Variants in DLG2 observed in about 807,000 individuals in gnomAD.
DLG2 encodes discs large MAGUK scaffold protein 2.
A neutral mutation model predicts 132.5 loss-of-function variants in DLG2; 45 were observed. The observed-to-expected ratio is 0.34, with a 90% CI of 0.27 to 0.44. The LOEUF (loss-of-function observed/expected upper bound fraction) is 0.44. Among genes scored for constraint, DLG2 ranks in the 20% least tolerant of loss-of-function variants. DLG2 has a pLI of 1.00. For synonymous variants in DLG2, 424 were observed against 419.6 expected (o/e 1.01, Z -0.13); for missense variants, 1,045 against 1,196.9 (o/e 0.87, Z 1.87).
intron 6 of DLG2, among the ~76,000 whole-genome samples, chr11:85,083,371 A>G (rs887880515): frequency 2.6e-5 from 4 of 152,300 alleles, no homozygotes; most frequent in Admixed American, 2.6e-4. Context: ...TCCTCCATGC[A>G]GTGTCCCTTC....
chr11:85,081,052 A>G (rs1008015515), intron 6 of DLG2, among the ~76,000 whole-genome samples: 10 of 152,182 alleles, frequency 6.6e-5, no homozygotes, highest in African/African-American at 2.4e-4. Context: ...ATTTTTTTAT[A>G]ATTAAAAACC....
At chr11:84,678,395 T>C (rs2099720364) in intron 6 of DLG2, among the ~76,000 whole-genome samples, 1 of 152,072 alleles carries the variant, frequency 6.6e-6, no homozygotes, top group East Asian at 1.9e-4. Flanking sequence ...GGAGACAACA[T>C]ACGGATCTCA....
At position 84,713,743 on chromosome 11, in the gene DLG2, T is replaced by C. The variant is rs562443326; in HGVS notation, c.358-179012A>G. Among the ~76,000 whole-genome samples, 34 of 152,272 alleles carry C rather than the reference T, an allele frequency of 2.2e-4. 1 individual carries two copies. In the South Asian group the frequency reaches 6.2e-3, roughly 28 times the overall value. ...ATGCAGAAATACCCATCATCAAGCA[T>C]CTTAAATTATTTTTTAAAATCTGAC... is the stretch of plus-strand genomic sequence containing the variant. On this transcript the variant is annotated intron_variant, in intron 6 of 27. Transcript: ENST00000376104.
In DLG2 at chr11:84,841,166, A is replaced by G. The variant is rs138711200; in HGVS notation, c.357+270495T>C. ...TTTAAAATCCGTAAAATAACACCAT[A>G]TATGTTCCGTTATATAAGAAAAATT... On this transcript the variant is annotated intron_variant, in intron 6 of 27. Coordinates refer to ENST00000376104, the MANE Select transcript of DLG2 (RefSeq NM_001142699.3). Among the ~76,000 whole-genome samples, 95 of 152,018 alleles carry G rather than the reference A, an allele frequency of 6.2e-4. No homozygotes were observed. The Middle Eastern group carries it at 0.027, about 44-fold the overall frequency.
At chr11:84,456,581 A>G (rs1014452873) in intron 7 of DLG2, among the ~76,000 whole-genome samples, 2 of 151,280 alleles carry the variant, frequency 1.3e-5, no homozygotes, top group African/African-American at 4.8e-5. Context: ...CTCAGGTCTC[A>G]TTCTTTGCTC....
intron 4 of DLG2, among the ~76,000 whole-genome samples, chr11:85,248,689 G>A (rs1332516470): frequency 6.6e-6 from 1 of 152,004 alleles, no homozygotes; most frequent in African/African-American, 2.4e-5. Context: ...TCTCCAGCAA[G>A]GTTACTAAGG....
chr11:84,882,816 T>C (rs2087567525), intron 6 of DLG2, among the ~76,000 whole-genome samples: 1 of 152,052 alleles, frequency 6.6e-6, no homozygotes, highest in Non-Finnish European at 1.5e-5. Flanking sequence ...AGTTCTGTAG[T>C]AGAATTTTCA....
At position 84,934,515 on chromosome 11, in the gene DLG2, G is replaced by GGTTTTTTTTTTTTTTTTTTTTTTTTT. The variant is rs1566441569; in HGVS notation, c.357+177145_357+177146insAAAAAAAAAAAAAAAAAAAAAAAAAC. Among the ~76,000 whole-genome samples the GGTTTTTTTTTTTTTTTTTTTTTTTTT allele has an allele frequency of 9.9e-5, 4 of 40,478 alleles. 1 individual carries two copies. Among genetic ancestry groups the GGTTTTTTTTTTTTTTTTTTTTTTTTT allele is most frequent in the East Asian group, 2.4e-3 (2 of 824 alleles). The allele number at this position is 40,478 out of a possible 152,430, so 26.6% of individuals were successfully genotyped here. Reference sequence around the variant, plus strand: ...GTATGGTCCTGGGTGTTTTTTTTTTGTTTTGTTTTGTTTTTTTTTTTTTTT... The same window carrying GGTTTTTTTTTTTTTTTTTTTTTTTTT: ...GTATGGTCCTGGGTGTTTTTTTTTTGGTTTTTTTTTTTTTTTTTTTTTTTTTTTTTGTTTTGTTTTTTTTTTTTTTT... On this transcript the variant is annotated intron_variant, in intron 6 of 27. Coordinates refer to ENST00000376104, the MANE Select transcript of DLG2 (RefSeq NM_001142699.3).
At chr11:84,451,156 T>G (rs1015807119) in intron 7 of DLG2, among the ~76,000 whole-genome samples, 1 of 151,872 alleles carries the variant, frequency 6.6e-6, no homozygotes. Context: ...AAGGAAAAAT[T>G]TTCATTTGCA....
chr11:83,951,537 G>A (rs1201073445), intron 14 of DLG2, among the ~76,000 whole-genome samples: 1 of 152,206 alleles, frequency 6.6e-6, no homozygotes, highest in Non-Finnish European at 1.5e-5. Context: ...CCAGAGAGGT[G>A]AAGAAAGAAA....
At chr11:83,560,095 G>T (rs1304525690) in intron 19 of DLG2, among the ~76,000 whole-genome samples, 1 of 151,798 alleles carries the variant, frequency 6.6e-6, no homozygotes, top group Non-Finnish European at 1.5e-5. Flanking sequence ...GAAAGAGAGG[G>T]GAAGGATGGG....
chr11:83,930,147 A>G (rs1010372425), intron 15 of DLG2, among the ~76,000 whole-genome samples, 181 bp downstream of exon 15: 1 of 152,192 alleles, frequency 6.6e-6, no homozygotes, highest in Non-Finnish European at 1.5e-5. Flanking sequence ...CAGGGAATAA[A>G]ACAAAACAAA....
intron 19 of DLG2, among the ~76,000 whole-genome samples, chr11:83,588,016 C>G (rs4500510): frequency 0.47 from 70,965 of 151,920 alleles, 17,102 homozygotes; most frequent in Admixed American, 0.57. Flanking sequence ...CCTAGCACAG[C>G]AGTCTGAGAT....
chr11:84,567,213 G>A (rs1036490921), intron 6 of DLG2, among the ~76,000 whole-genome samples: 3 of 151,924 alleles, frequency 2.0e-5, no homozygotes, highest in African/African-American at 7.3e-5. Context: ...ATAAAAGGAA[G>A]GTATTGAATG....
intron 7 of DLG2, among the ~76,000 whole-genome samples, chr11:84,533,529 T>C (rs2099347777): frequency 6.6e-6 from 1 of 152,192 alleles, no homozygotes; most frequent in South Asian, 2.1e-4. Flanking sequence ...TATAGCTAAT[T>C]TATTTGCTAA....
chr11:85,410,150 A>G (rs900170118), intron 3 of DLG2, among the ~76,000 whole-genome samples: 4 of 151,886 alleles, frequency 2.6e-5, no homozygotes, highest in Non-Finnish European at 5.9e-5. Flanking sequence ...AAGTTAATGA[A>G]AACAAAGAGG....
chr11:84,607,692 ACCT>A (rs1261272058), intron 6 of DLG2, among the ~76,000 whole-genome samples: 3 of 151,890 alleles, frequency 2.0e-5, no homozygotes. Context: ...TCTGGGCTTT[ACCT>A]CCTCCTATCT....
intron 10 of DLG2, among the ~76,000 whole-genome samples, chr11:84,064,183 A>G (rs1381865757): frequency 6.6e-6 from 1 of 152,332 alleles, no homozygotes; most frequent in East Asian, 1.9e-4. Context: ...CGCATTTTTA[A>G]GTATGTTAAC....
At chr11:83,966,676 T>C (rs921496623) in intron 12 of DLG2, among the ~76,000 whole-genome samples, 7 of 152,094 alleles carry the variant, frequency 4.6e-5, no homozygotes, top group African/African-American at 1.7e-4. Flanking sequence ...ATATCACACA[T>C]ATAGATAATA....
Sources: gnomAD v4.1 joint callset for allele counts (sites outside exome capture counted in the v4.1 genomes callset) on GRCh38, gnomAD v4.1.1 for gene constraint, MANE v1.5 for transcripts, NCBI Gene and HGNC (gene_info 2026-07-23, HGNC 2026-07-21) for gene names.